The following TRIM45 variants were observed in gnomAD, a reference collection of about 807,000 sequenced individuals.
TRIM45 encodes the protein tripartite motif containing 45.
A neutral mutation model predicts 46.7 loss-of-function variants in TRIM45; 45 were observed. The observed-to-expected ratio is 0.96, with a 90% CI of 0.76 to 1.24. The LOEUF (loss-of-function observed/expected upper bound fraction) is 1.24. Ranked by LOEUF, TRIM45 falls within the 50% of genes most tolerant of loss-of-function variation. TRIM45 has a pLI of 0.00. For missense variants in TRIM45, 680 were observed against 728.4 expected (o/e 0.93, Z 0.77); for synonymous variants, 259 against 285.8 (o/e 0.91, Z 0.94).
chr1:117,112,495 C>T (rs200494220), intron 5 of TRIM45, 42 bp from the exon 6 acceptor site: 13 of 1,557,190 alleles, frequency 8.3e-6, no homozygotes, highest in Admixed American at 1.9e-5. Flanking sequence ...CAACCATTAG[C>T]GTGGAGGCCA....
chr1:117,112,392 G>A lies in TRIM45; in HGVS notation c.1656C>T (p.Cys552=). 2 of 1,614,068 alleles carry A rather than the reference G, an allele frequency of 1.2e-6. No individual in the cohort carries two copies. The highest frequency in any genetic ancestry group is 1.7e-6 in the Non-Finnish European group (2 of 1,179,966). Residue 552 remains cysteine (C), a synonymous_variant, in exon 6 of 6, where the codon TGC becomes TGT. Transcript: ENST00000256649. ...CAGATTTCTCATTAAATTTTCCACA[G>A]CATGACCAGTGGGGATGACCTGGGT... ...KGHPGHPHWS[C]CGKFNEKSEC...
In TRIM45 at chr1:117,113,520, C is replaced by T; in HGVS notation, c.1468-35G>A. ...TCAGACCAAAAGCAATGAACAGCAT[C>T]TTACGAGTTAACAGGATGTGCTGCG... is the stretch of plus-strand genomic sequence containing the variant. On this transcript the variant is annotated intron_variant, in intron 4 of 5. Coordinates refer to ENST00000256649, the MANE Select transcript of TRIM45 (RefSeq NM_025188.4). This position sits in a 1 kb window ranked among gnomAD's most constrained non-coding sequence, Gnocchi z 4.0. 6.2e-7 allele frequency: 1 copy of T among 1,603,038 alleles called. No homozygotes were observed. The highest frequency in any genetic ancestry group is 8.5e-7 in the Non-Finnish European group (1 of 1,173,380).
rs1650610923 is a variant in TRIM45, at chr1:117,121,163, G to A, written c.39C>T (p.Ser13=). 1 of 1,583,828 alleles carries A rather than the reference G, an allele frequency of 6.3e-7. No individual in the cohort carries two copies. Among genetic ancestry groups the A allele is most frequent in the Admixed American group, 1.9e-5 (1 of 53,784 alleles). ...ENRKPLLGFV[S]KLTSGTALGN... is the part of the protein sequence containing the mutation. ...CAAGTGCAGTCCCACTAGTGAGTTT[G>A]CTTACAAAGCCCAGCAGCGGTTTTC... Residue 13 remains serine (S), a synonymous_variant, in exon 1 of 6, where the codon AGC becomes AGT. Coordinates refer to ENST00000256649, the MANE Select transcript of TRIM45 (RefSeq NM_025188.4). The surrounding 1 kb of genome is among the most constrained non-coding windows in gnomAD (Gnocchi z 4.2).
Position 117,121,081 on chromosome 1 carries a change from G to A in TRIM45, c.121C>T (p.Leu41Phe), listed in dbSNP as rs567079294. The change falls in exon 1 of 6, where the codon CTC becomes TTC. Residue 41 changes from leucine to phenylalanine, a missense_variant. Transcript: ENST00000256649. This position sits in a 1 kb window ranked among gnomAD's most constrained non-coding sequence, Gnocchi z 4.2. ...LCLGLFKAPR[L>F]LPCLHTVCTT... Reference sequence around the variant, plus strand: ...CAAACTGTATGCAAACAAGGCAAGAGCCTGGGGGCTTTGAAAAGCCCCAAG... The same window carrying A: ...CAAACTGTATGCAAACAAGGCAAGAACCTGGGGGCTTTGAAAAGCCCCAAG... 6.2e-7 allele frequency: 1 copy of A among 1,614,088 alleles called. No homozygotes were observed. Among genetic ancestry groups the A allele is most frequent in the East Asian group, 2.2e-5 (1 of 44,870 alleles).
chr1:117,115,799 A>AT lies in TRIM45; in HGVS notation c.1353-111dup. 1.5e-6 allele frequency: 1 copy of AT among 672,468 alleles called. No individual in the cohort carries two copies. Among genetic ancestry groups the AT allele is most frequent in the South Asian group, 1.9e-5 (1 of 52,200 alleles). The allele number at this position is 672,468 out of a possible 1,614,324, so 41.7% of individuals were successfully genotyped here. On this transcript the variant is annotated intron_variant, in intron 3 of 5. Transcript: ENST00000256649. This position sits in a 1 kb window ranked among gnomAD's most constrained non-coding sequence, Gnocchi z 4.2. ...ATCCCATTCAGTATTAATGTTAAAT[A>AT]TACCCAAACAGGATGCTTCTTCCAT...
rs1193032293 is a variant in TRIM45 at position 117,118,628 on chromosome 1, CG to C, written c.627del (p.Val210CysfsTer52). On this transcript the variant is annotated frameshift_variant, in exon 2 of 6. Coordinates refer to ENST00000256649, the MANE Select transcript of TRIM45 (RefSeq NM_025188.4). LOFTEE classifies it high-confidence loss of function. This position sits in a 1 kb window ranked among gnomAD's most constrained non-coding sequence, Gnocchi z 5.7. ...LRLFCEFCDR[P>X]VCQDCVVGEH... ...TCCCCCACCACACAATCCTGGCACA[CG>C]GGCCGGTCACAGAACTCACAGAACA... The C allele has an allele frequency of 4.3e-6, 7 of 1,613,986 alleles. No individual in the cohort carries two copies. Among genetic ancestry groups the C allele is most frequent in the Non-Finnish European group, 5.9e-6 (7 of 1,180,050 alleles).
chr1:117,123,377 T>A (rs1250962449), upstream of TRIM45, among the ~76,000 whole-genome samples: 1 of 152,232 alleles, frequency 6.6e-6, no homozygotes, highest in Non-Finnish European at 1.5e-5. Flanking sequence ...CATCTCTTGT[T>A]CATACTGTAT....
At chr1:117,120,254 C>A (rs1324718197) in intron 1 of TRIM45, among the ~76,000 whole-genome samples, 2 of 152,194 alleles carry the variant, frequency 1.3e-5, no homozygotes, top group South Asian at 4.1e-4. Context: ...AGTTCTGTTA[C>A]ACACTTACCA....
At position 117,121,562 on chromosome 1, in the gene TRIM45, C is replaced by CCCCCCCCCCACA; in HGVS notation, c.-362_-361insTGTGGGGGGGGG. 1 of 508,452 alleles carries CCCCCCCCCCACA rather than the reference C, an allele frequency of 2.0e-6. No homozygotes were observed. The highest frequency in any genetic ancestry group is 3.5e-6 in the Non-Finnish European group (1 of 288,824). 31.5% of individuals were successfully genotyped at this position (508,452 alleles called of 1,614,324 possible). A position where few individuals can be genotyped will look rare whatever the true frequency, so the allele number is the denominator to read the frequency against. The stretch of plus-strand genomic sequence containing the variant: ...CCCTCCACTGCCACCCCCCTCCCGC[C>CCCCCCCCCCACA]GCCCGCCCCACTGCGCGCCACACGC... On this transcript the variant is annotated 5_prime_UTR_variant, in exon 1 of 6. Transcript: ENST00000256649. This position sits in a 1 kb window ranked among gnomAD's most constrained non-coding sequence, Gnocchi z 4.2.
chr1:117,120,720 G>GC lies in TRIM45; in HGVS notation c.481dup (p.Ala161GlyfsTer3). ...TGGAGTGTCCCATCTTTACCTATGA[G>GC]CCTGGCAGCAGAAGTGGCAGAGGTT... On this transcript the variant is annotated frameshift_variant, in exon 1 of 6. Transcript: ENST00000256649. LOFTEE classifies it high-confidence loss of function. 1 of 1,603,810 alleles carries GC rather than the reference G, an allele frequency of 6.2e-7. No individual in the cohort carries two copies.
Position 117,121,211 on chromosome 1 carries a change from G to C in TRIM45, c.-10C>G. The stretch of plus-strand genomic sequence containing the variant: ...TTCTGTTTTCTGACATACTCCTCAC[G>C]TTTGTGACCAATATTAGAAAGGGCC... On this transcript the variant is annotated 5_prime_UTR_variant, in exon 1 of 6. Transcript: ENST00000256649. This position sits in a 1 kb window ranked among gnomAD's most constrained non-coding sequence, Gnocchi z 4.2. 6.5e-7 allele frequency: 1 copy of C among 1,528,088 alleles called. No individual in the cohort carries two copies. 94.7% of individuals were successfully genotyped at this position (1,528,088 alleles called of 1,614,324 possible). A position where few individuals can be genotyped will look rare whatever the true frequency, so the allele number is the denominator to read the frequency against.
chr1:117,114,550 T>G (rs890635118), intron 4 of TRIM45, among the ~76,000 whole-genome samples: 4 of 152,236 alleles, frequency 2.6e-5, no homozygotes, highest in Non-Finnish European at 5.9e-5. Flanking sequence ...CCTAGCACCT[T>G]AGAAGTCTTT....
rs555157528 is a variant in TRIM45, at chr1:117,121,729, G to A, written c.-528C>T. ...CACCGCCTCTCCCGCGCCTCGGCCC[G>A]GGACGCCCGCGGGCTCTGGCCCCTC... On this transcript the variant is annotated 5_prime_UTR_variant, in exon 1 of 6. Transcript: ENST00000256649. This position sits in a 1 kb window ranked among gnomAD's most constrained non-coding sequence, Gnocchi z 4.2. 7 of 607,008 alleles carry A rather than the reference G, an allele frequency of 1.2e-5. No individual in the cohort carries two copies. The highest frequency in any genetic ancestry group is 6.3e-5 in the East Asian group (2 of 31,680). The allele number at this position is 607,008 out of a possible 1,614,324, so 37.6% of individuals were successfully genotyped here.
chr1:117,119,610 A>G (rs1350682574), intron 1 of TRIM45, among the ~76,000 whole-genome samples: 1 of 135,760 alleles, frequency 7.4e-6, no homozygotes, highest in Non-Finnish European at 1.6e-5. Context: ...TCCATCTCAG[A>G]AAAAAAAAAA....
chr1:117,121,806 G>C (rs753463574), upstream of TRIM45: 2 of 709,414 alleles, frequency 2.8e-6, no homozygotes, highest in African/African-American at 1.8e-5. The surrounding 1 kb of genome is among the most constrained non-coding windows in gnomAD (Gnocchi z 4.2). Flanking sequence ...CACCGTCCGA[G>C]AGCGGCGGCC....
chr1:117,122,872 A>G (rs1570920491), upstream of TRIM45, among the ~76,000 whole-genome samples: 1 of 152,154 alleles, frequency 6.6e-6, no homozygotes, highest in African/African-American at 2.4e-5. Context: ...CAGCTTGTCT[A>G]CTGGGCCCTC....
Position 117,113,465 on chromosome 1 carries a change from C to G in TRIM45, c.1488G>C (p.Met496Ile), listed in dbSNP as rs146765167. 74 of 1,612,780 alleles carry G rather than the reference C, an allele frequency of 4.6e-5. No individual in the cohort carries two copies. The highest frequency in any genetic ancestry group is 1.2e-4 in the South Asian group (11 of 91,018). The change falls in exon 5 of 6, where the codon ATG (methionine) becomes ATC (isoleucine). Residue 496 changes from methionine to isoleucine, a missense_variant. By Grantham distance (10) the Met-to-Ile change is conservative (BLOSUM62 1). Transcript: ENST00000256649. This position sits in a 1 kb window ranked among gnomAD's most constrained non-coding sequence, Gnocchi z 4.0. ...QHVQGSPFTV[M>I]VRRKHRPHSG... ...AGTGTGGGCGGTGCTTTCTCCTCAC[C>G]ATCACAGTGAATGGCGAGCCCTGCA... is the stretch of plus-strand genomic sequence containing the variant.
In TRIM45 at chr1:117,113,271, A is replaced by T; in HGVS notation, c.1594+88T>A. The stretch of plus-strand genomic sequence containing the variant: ...TCCTAGAAACAGAGCCTAAGTCCAA[A>T]TGTCTAGTGGCTGTGTGGTAGGGAA... On this transcript the variant is annotated intron_variant, in intron 5 of 5. Coordinates refer to ENST00000256649, the MANE Select transcript of TRIM45 (RefSeq NM_025188.4). The surrounding 1 kb of genome is among the most constrained non-coding windows in gnomAD (Gnocchi z 4.0). 1 of 1,537,690 alleles carries T rather than the reference A, an allele frequency of 6.5e-7. No homozygotes were observed. The highest frequency in any genetic ancestry group is 1.8e-5 in the Admixed American group (1 of 54,790).
chr1:117,123,922 C>T (rs1360665599), upstream of TRIM45, among the ~76,000 whole-genome samples: 7 of 152,112 alleles, frequency 4.6e-5, no homozygotes, highest in Non-Finnish European at 7.4e-5. Flanking sequence ...TGAGCCACCG[C>T]GCCTGGCCAC....
Sources: gnomAD v4.1 joint callset for allele counts (sites outside exome capture counted in the v4.1 genomes callset) on GRCh38, gnomAD v4.1.1 for gene constraint, Gnocchi (gnomAD v3.1) non-coding constraint, MANE v1.5 for transcripts, NCBI Gene and HGNC (gene_info 2026-07-23, HGNC 2026-07-21) for gene names.